PRKAG2: variants seen among roughly 807,000 people sequenced by gnomAD.
The protein encoded by PRKAG2 is 5'-AMP-activated protein kinase subunit gamma-2.
In PRKAG2, 26 loss-of-function variants were observed where a neutral mutation model predicts 69.6. The ratio of observed to expected loss-of-function variants is 0.37; its 90% CI spans 0.27 to 0.52. The LOEUF (loss-of-function observed/expected upper bound fraction) is 0.52, where lower values mean the gene tolerates loss of function less well. PRKAG2 is among the 20% of genes least tolerant of loss of function. The pLI is 0.90. For synonymous variants in PRKAG2, 293 were observed against 285.0 expected (o/e 1.03, Z -0.28); for missense variants, 557 against 740.0 (o/e 0.75, Z 2.87).
At chr7:151,758,301 C>G (rs1480229638) in intron 3 of PRKAG2, among the ~76,000 whole-genome samples, 1 of 152,210 alleles carries the variant, frequency 6.6e-6, no homozygotes, top group Non-Finnish European at 1.5e-5. Flanking sequence ...TGTCTCACTC[C>G]CTAAAAGCTA....
At chr7:151,605,892 T>C (rs1165479751) in intron 5 of PRKAG2, among the ~76,000 whole-genome samples, 1 of 147,112 alleles carries the variant, frequency 6.8e-6, no homozygotes, top group African/African-American at 2.5e-5. Flanking sequence ...GAACTGAGAT[T>C]GTGCCACTGC....
At chr7:151,582,075 G>T in intron 6 of PRKAG2, among the ~76,000 whole-genome samples, 1 of 152,346 alleles carries the variant, frequency 6.6e-6, no homozygotes, top group East Asian at 1.9e-4. Flanking sequence ...CTGATGCTGC[G>T]TGGTCAATGG....
chr7:151,685,687 T>G (rs547069675), intron 3 of PRKAG2, among the ~76,000 whole-genome samples: 1 of 151,872 alleles, frequency 6.6e-6, no homozygotes, highest in East Asian at 1.9e-4. Flanking sequence ...GAGGATTGCT[T>G]AAGCCTGAGA....
chr7:151,562,040 C>T (rs1449045424), intron 14 of PRKAG2, among the ~76,000 whole-genome samples: 3 of 149,804 alleles, frequency 2.0e-5, no homozygotes, highest in African/African-American at 4.9e-5. Flanking sequence ...AGATCAAGTG[C>T]TCGAGACCAG....
At chr7:151,824,499 C>T (rs188578342) in intron 1 of PRKAG2, among the ~76,000 whole-genome samples, 16 of 152,266 alleles carry the variant, frequency 1.1e-4, no homozygotes, top group Admixed American at 7.8e-4. Context: ...ATCCTAGTAG[C>T]CTCTGTGTGG....
intron 3 of PRKAG2, among the ~76,000 whole-genome samples, chr7:151,763,533 C>T (rs146520259): frequency 2.7e-4 from 41 of 152,342 alleles, no homozygotes; most frequent in African/African-American, 6.3e-4. Flanking sequence ...GAAGGAAGTT[C>T]GCTGGCTCCT....
chr7:151,734,826 T>C (rs1378538131), intron 3 of PRKAG2, among the ~76,000 whole-genome samples: 2 of 151,356 alleles, frequency 1.3e-5, no homozygotes, highest in African/African-American at 4.9e-5. Context: ...CCTGGGATTA[T>C]AGGCCCAGCC....
At chr7:151,750,114 AAAAG>A in intron 3 of PRKAG2, among the ~76,000 whole-genome samples, 1 of 152,010 alleles carries the variant, frequency 6.6e-6, no homozygotes, top group South Asian at 2.1e-4. Flanking sequence ...AAAAAAAAAA[AAAAG>A]AACTGAACCG....
At chr7:151,609,015 C>T (rs1818164646) in intron 5 of PRKAG2, among the ~76,000 whole-genome samples, 1 of 152,116 alleles carries the variant, frequency 6.6e-6, no homozygotes, top group Non-Finnish European at 1.5e-5. Flanking sequence ...GCATACACCA[C>T]TGCAATTTTT....
chr7:151,746,931 C>T (rs2074318977), intron 3 of PRKAG2, among the ~76,000 whole-genome samples: 2 of 152,240 alleles, frequency 1.3e-5, no homozygotes, highest in African/African-American at 2.4e-5. Flanking sequence ...CAGCATTTCA[C>T]GTCCTGAATG....
intron 1 of PRKAG2, chr7:151,809,202 G>C (rs891182310): frequency 2.2e-5 from 10 of 456,322 alleles, no homozygotes; most frequent in Non-Finnish European, 3.1e-5. Context: ...AATCCCAAGA[G>C]GGGTGAGTGG....
In PRKAG2 at chr7:151,749,381, T is replaced by A. The variant is rs548372847; in HGVS notation, c.466+31771A>T. ...CCCGGTATCCACCTCCCTCACTCTC[T>A]CTGCTTCCTCCATTTCAGTAAGCGT... On this transcript the variant is annotated intron_variant, in intron 3 of 15. Coordinates refer to ENST00000287878, the MANE Select transcript of PRKAG2 (RefSeq NM_016203.4). Among the ~76,000 whole-genome samples, 4 of 152,296 alleles carry A rather than the reference T, an allele frequency of 2.6e-5. No individual in the cohort carries two copies. The East Asian group carries it at 7.7e-4, about 29-fold the overall frequency.
intron 6 of PRKAG2, among the ~76,000 whole-genome samples, chr7:151,582,300 C>A (rs1473026679): frequency 6.6e-6 from 1 of 152,062 alleles, no homozygotes; most frequent in Non-Finnish European, 1.5e-5. Context: ...CAGGTGCACA[C>A]CACCACAGCT....
chr7:151,633,738 G>A (rs1376267386), intron 4 of PRKAG2, among the ~76,000 whole-genome samples: 1 of 152,168 alleles, frequency 6.6e-6, no homozygotes, highest in South Asian at 2.1e-4. Flanking sequence ...ACAAACTGTA[G>A]ATGAAAGACG....
At chr7:151,823,046 A>C (rs73487739) in intron 1 of PRKAG2, among the ~76,000 whole-genome samples, 95 of 113,126 alleles carry the variant, frequency 8.4e-4, no homozygotes, top group African/African-American at 1.0e-3. Context: ...CCCACCCCAC[A>C]GCGGAAAACG....
intron 10 of PRKAG2, 131 bp downstream of exon 10, chr7:151,570,040 T>C (rs1027965350): frequency 9.5e-7 from 1 of 1,055,300 alleles, no homozygotes; most frequent in South Asian, 1.5e-5. Context: ...ATGCGTACAG[T>C]GTAGCTGGAA....
intron 3 of PRKAG2, among the ~76,000 whole-genome samples, chr7:151,743,353 C>T (rs1372324851): frequency 1.3e-5 from 2 of 152,086 alleles, no homozygotes; most frequent in Non-Finnish European, 2.9e-5. Context: ...TAGCAGTGCC[C>T]CGTGCTGTGT....
At chr7:151,701,626 G>A (rs1171701951) in intron 3 of PRKAG2, among the ~76,000 whole-genome samples, 1 of 152,114 alleles carries the variant, frequency 6.6e-6, no homozygotes, top group Non-Finnish European at 1.5e-5. Flanking sequence ...GGCAGATCGA[G>A]AGGTCAGGAG....
chr7:151,676,203 A>AGG (rs1832918347), intron 3 of PRKAG2, among the ~76,000 whole-genome samples: 1 of 132,958 alleles, frequency 7.5e-6, no homozygotes, highest in Non-Finnish European at 1.6e-5. Flanking sequence ...GCAGAGATGC[A>AGG]GGCCAATGCT....
Sources: gnomAD v4.1 joint callset for allele counts (sites outside exome capture counted in the v4.1 genomes callset) on GRCh38, gnomAD v4.1.1 for gene constraint, MANE v1.5 for transcripts, NCBI Gene and HGNC (gene_info 2026-07-23, HGNC 2026-07-21) for gene names.